Variants in ALK observed in about 807,000 individuals in gnomAD.
The protein encoded by ALK is ALK tyrosine kinase receptor.
Under a neutral mutation model 163.1 loss-of-function variants are expected in ALK, and 74 were observed. That is an observed-to-expected ratio of 0.45 (90% confidence interval 0.38 to 0.55). The LOEUF (loss-of-function observed/expected upper bound fraction) is 0.55. Ranked by LOEUF, ALK falls within the 20% of genes least tolerant of loss-of-function variation. The pLI is 0.00. For synonymous variants in ALK, 960 were observed against 843.2 expected (o/e 1.14, Z -2.40); for missense variants, 2,063 against 2,105.3 (o/e 0.98, Z 0.39).
chr2:29,425,968 A>G (rs774257147), intron 4 of ALK, among the ~76,000 whole-genome samples: 7 of 152,180 alleles, frequency 4.6e-5, no homozygotes, highest in Admixed American at 1.3e-4. Flanking sequence ...AAAAACCTTC[A>G]AAGAGTGGCC....
chr2:29,429,186 T>A (rs1670215258), intron 4 of ALK, among the ~76,000 whole-genome samples: 1 of 151,986 alleles, frequency 6.6e-6, no homozygotes, highest in Non-Finnish European at 1.5e-5. Context: ...TCCTTTAAGA[T>A]CAGGAATAAG....
rs755039456 is a variant in ALK at position 29,339,014 on chromosome 2, G to A, written c.1283-10533C>T. 5.9e-5 allele frequency among the ~76,000 whole-genome samples: 9 copies of A among 152,130 alleles called. 1 individual carries two copies. The South Asian group carries it at 8.3e-4, about 14-fold the overall frequency. On this transcript the variant is annotated intron_variant, in intron 5 of 28. Coordinates refer to ENST00000389048, the MANE Select transcript of ALK (RefSeq NM_004304.5). Reference sequence around the variant, plus strand: ...TCCCAGCACTTTGGGAGGCTGAGGCGGGCGGATCACCTGAGGTGGGGAGTT... The same window carrying A: ...TCCCAGCACTTTGGGAGGCTGAGGCAGGCGGATCACCTGAGGTGGGGAGTT...
intron 4 of ALK, among the ~76,000 whole-genome samples, chr2:29,480,905 A>G (rs993504472): frequency 6.6e-6 from 1 of 151,794 alleles, no homozygotes; most frequent in Non-Finnish European, 1.5e-5. Context: ...GGTCTGGGCA[A>G]GGCCAAAGAT....
chr2:29,424,589 GGAGT>G (rs1402100873), intron 4 of ALK, among the ~76,000 whole-genome samples: 1 of 152,224 alleles, frequency 6.6e-6, no homozygotes, highest in Non-Finnish European at 1.5e-5. Flanking sequence ...AAATGCAAAA[GGAGT>G]GAGAGTAGCA....
intron 4 of ALK, among the ~76,000 whole-genome samples, chr2:29,497,098 C>T (rs1273018436): frequency 6.6e-6 from 1 of 152,038 alleles, no homozygotes; most frequent in Non-Finnish European, 1.5e-5. Flanking sequence ...TGGTGAAACC[C>T]CGTCTCTACT....
intron 1 of ALK, among the ~76,000 whole-genome samples, chr2:29,843,146 T>A (rs1001874607): frequency 2.0e-5 from 3 of 151,880 alleles, no homozygotes; most frequent in Admixed American, 2.0e-4. Context: ...TTAGGTTGTG[T>A]TCATGGAGAG....
intron 3 of ALK, among the ~76,000 whole-genome samples, chr2:29,689,229 G>C (rs1678323743): frequency 6.6e-6 from 1 of 152,188 alleles, no homozygotes; most frequent in Non-Finnish European, 1.5e-5. Context: ...ATGCTGGGCA[G>C]CCCTTTATCA....
chr2:29,822,469 T>C (rs1257493565), intron 1 of ALK, among the ~76,000 whole-genome samples: 2 of 152,212 alleles, frequency 1.3e-5, no homozygotes, highest in African/African-American at 2.4e-5. Flanking sequence ...TGTAGCTCCA[T>C]GTATAGTCAA....
intron 11 of ALK, among the ~76,000 whole-genome samples, chr2:29,256,789 C>T (rs532940817): frequency 2.1e-4 from 32 of 152,206 alleles, no homozygotes; most frequent in African/African-American, 7.2e-4. Flanking sequence ...GTGGCCCCCG[C>T]AGTCGCTTAG....
intron 1 of ALK, among the ~76,000 whole-genome samples, chr2:29,745,407 A>G (rs1205439586): frequency 6.6e-6 from 1 of 152,192 alleles, no homozygotes; most frequent in African/African-American, 2.4e-5. Flanking sequence ...GCTGGGCTCT[A>G]GAGAAGTTTG....
chr2:29,686,585 C>T (rs1232756941), intron 3 of ALK, among the ~76,000 whole-genome samples: 1 of 152,208 alleles, frequency 6.6e-6, no homozygotes, highest in Non-Finnish European at 1.5e-5. Flanking sequence ...TAAAGTGATG[C>T]TCCTAATGGC....
At chr2:29,711,130 C>T (rs1292900258) in intron 2 of ALK, among the ~76,000 whole-genome samples, 2 of 152,198 alleles carry the variant, frequency 1.3e-5, no homozygotes, top group Non-Finnish European at 2.9e-5. Flanking sequence ...TCTCCTCCTT[C>T]CCTTTCTTTT....
intron 4 of ALK, among the ~76,000 whole-genome samples, chr2:29,460,320 T>A (rs1017931634): frequency 6.6e-6 from 1 of 152,198 alleles, no homozygotes; most frequent in African/African-American, 2.4e-5. Context: ...ATACAAAGAA[T>A]GCAATACTTG....
chr2:29,438,304 G>C (rs1670454808), intron 4 of ALK, among the ~76,000 whole-genome samples: 1 of 152,174 alleles, frequency 6.6e-6, no homozygotes, highest in Non-Finnish European at 1.5e-5. Context: ...AAGTATTAGA[G>C]TTTGAACCAG....
intron 3 of ALK, among the ~76,000 whole-genome samples, chr2:29,542,810 A>G (rs1039898944): frequency 6.6e-6 from 1 of 152,214 alleles, no homozygotes; most frequent in Non-Finnish European, 1.5e-5. Context: ...TCTGTACAAA[A>G]ATTTATCCGT....
In ALK at chr2:29,549,137, TAC is replaced by T. The variant is rs58557380; in HGVS notation, c.953-17023_953-17022del. On this transcript the variant is annotated intron_variant, in intron 3 of 28. Transcript: ENST00000389048. ...ATAACAGTGGCTGCTGATCTACAGG[TAC>T]ACACACACACACACACACACACGCA... 2.5e-3 allele frequency among the ~76,000 whole-genome samples: 381 copies of T among 149,534 alleles called. 3 individuals are homozygous for T. Among genetic ancestry groups the T allele is most frequent in the East Asian group, 9.7e-3 (49 of 5,064 alleles).
chr2:29,308,079 AT>A (rs57196625), intron 8 of ALK, among the ~76,000 whole-genome samples: 510 of 146,802 alleles, frequency 3.5e-3, no homozygotes, highest in African/African-American at 5.4e-3. Context: ...TTCTTTTCCA[AT>A]TTTTTTTTTT....
At chr2:29,416,814 C>T (rs11676341) in intron 4 of ALK, among the ~76,000 whole-genome samples, 21,854 of 151,970 alleles carry the variant, frequency 0.14, 1,861 homozygotes, top group East Asian at 0.25. Flanking sequence ...CTTAACCAAG[C>T]TCTCTGAACT....
intron 3 of ALK, among the ~76,000 whole-genome samples, chr2:29,537,511 C>A (rs190087617): frequency 2.3e-4 from 35 of 152,370 alleles, no homozygotes; most frequent in African/African-American, 7.7e-4. Context: ...CAGCTCCCAT[C>A]TAAATGCCAT....
Sources: allele counts gnomAD v4.1 joint callset (sites outside exome capture counted in the v4.1 genomes callset), GRCh38; gene constraint gnomAD v4.1.1; transcripts MANE v1.5; gene names NCBI Gene and HGNC (gene_info 2026-07-23, HGNC 2026-07-21).